FAM13B: variants seen among roughly 807,000 people sequenced by gnomAD.
FAM13B encodes protein FAM13B.
A neutral mutation model predicts 117.3 loss-of-function variants in FAM13B; 60 were observed. The observed-to-expected ratio is 0.51, with a 90% confidence interval of 0.42 to 0.63. The LOEUF (loss-of-function observed/expected upper bound fraction) is 0.63, where lower values mean the gene tolerates loss of function less well. Ranked by LOEUF, FAM13B falls within the 30% of genes least tolerant of loss-of-function variation. The probability of loss-of-function intolerance (pLI) is 0.00; values close to 1 mark genes in which losing one functional copy is unlikely to be tolerated. For synonymous variants in FAM13B, 332 were observed against 356.1 expected (o/e 0.93, Z 0.76); for missense variants, 972 against 1,091.9 (o/e 0.89, Z 1.55).
intron 1 of FAM13B, among the ~76,000 whole-genome samples, chr5:138,030,043 T>C (rs1789478468): frequency 1.3e-5 from 2 of 152,196 alleles, no homozygotes; most frequent in African/African-American, 4.8e-5. Context: ...AATTATCTTG[T>C]CAGCTTACCA....
chr5:137,986,780 A>C (rs1022733454), intron 9 of FAM13B, among the ~76,000 whole-genome samples: 4 of 152,250 alleles, frequency 2.6e-5, no homozygotes, highest in African/African-American at 9.6e-5. Flanking sequence ...AAATTTTCAG[A>C]GAGCATGACA....
intron 15 of FAM13B, 70 bp downstream of exon 15, chr5:137,954,096 G>T: frequency 1.1e-6 from 1 of 886,596 alleles, no homozygotes. Flanking sequence ...CAGGCTGGAA[G>T]ACTAAATCTC....
intron 7 of FAM13B, among the ~76,000 whole-genome samples, chr5:138,005,537 T>C (rs1236539009): frequency 1.3e-5 from 2 of 151,808 alleles, no homozygotes; most frequent in African/African-American, 4.8e-5. Flanking sequence ...AAAAAGAATG[T>C]TAGAATACAG....
intron 10 of FAM13B, among the ~76,000 whole-genome samples, chr5:137,983,099 G>C (rs183959380): frequency 2.0e-5 from 3 of 147,778 alleles, no homozygotes; most frequent in Admixed American, 1.4e-4. Context: ...ATGGGCCCTG[G>C]GCCATTCCAA....
chr5:137,995,837 C>T (rs1779726448), intron 7 of FAM13B, among the ~76,000 whole-genome samples: 1 of 152,166 alleles, frequency 6.6e-6, no homozygotes, highest in African/African-American at 2.4e-5. Context: ...TGTGCTAGTA[C>T]TTAAAACATT....
intron 13 of FAM13B, among the ~76,000 whole-genome samples, chr5:137,959,094 C>G (rs1178737321): frequency 6.6e-6 from 1 of 152,194 alleles, no homozygotes; most frequent in Non-Finnish European, 1.5e-5. Flanking sequence ...TTTAACTTCT[C>G]TCCTTTGTGC....
intron 1 of FAM13B, among the ~76,000 whole-genome samples, chr5:138,026,365 C>A (rs942101158): frequency 6.6e-6 from 1 of 152,240 alleles, no homozygotes; most frequent in East Asian, 1.9e-4. Context: ...ATGGTTCACA[C>A]CCGTAATCCC....
chr5:137,943,356 T>G, intron 20 of FAM13B, 140 bp from the exon 21 acceptor site: 1 of 651,682 alleles, frequency 1.5e-6, no homozygotes, highest in African/African-American at 1.8e-5. Context: ...TAGGAATTGC[T>G]TACATTTATT....
intron 10 of FAM13B, among the ~76,000 whole-genome samples, chr5:137,973,527 A>G (rs1446204419): frequency 3.3e-5 from 5 of 152,226 alleles, no homozygotes; most frequent in Non-Finnish European, 7.3e-5. Context: ...CCTAGGCATT[A>G]CCATTCAGGA....
Position 137,985,322 on chromosome 5 carries a change from T to A in FAM13B, c.1114A>T (p.Ser372Cys). The A allele has an allele frequency of 6.2e-7, 1 of 1,613,924 alleles. No individual in the cohort carries two copies. The highest frequency in any genetic ancestry group is 8.5e-7 in the Non-Finnish European group (1 of 1,179,886). The change falls in exon 10 of 24, where the codon AGC (serine) becomes TGC (cysteine). Residue 372 changes from serine to cysteine, a missense_variant. By Grantham distance (112) the Ser-to-Cys change is moderately radical (BLOSUM62 -1). Coordinates refer to ENST00000689681, the MANE Select transcript of FAM13B (RefSeq NM_001385994.1). ...SNRDCSKPVA[S>C]TNLDNEAMQQ... ...ATAGCTTCATTGTCTAAATTAGTGC[T>A]AGCCACAGGTTTTGAACAGTCTCTG...
chr5:137,991,459 G>C (rs964315720), intron 7 of FAM13B, among the ~76,000 whole-genome samples: 11 of 152,190 alleles, frequency 7.2e-5, no homozygotes, highest in Non-Finnish European at 1.5e-4. Context: ...AGCATCTCTA[G>C]AGCAGGGATG....
intron 7 of FAM13B, among the ~76,000 whole-genome samples, chr5:138,002,969 G>A (rs531185720): frequency 5.3e-5 from 8 of 151,640 alleles, no homozygotes; most frequent in East Asian, 1.9e-4. Context: ...CCACCGCGCC[G>A]GGCCTGTTCC....
At chr5:138,000,064 T>C (rs1176259168) in intron 7 of FAM13B, among the ~76,000 whole-genome samples, 4 of 152,170 alleles carry the variant, frequency 2.6e-5, no homozygotes, top group Non-Finnish European at 1.5e-5. Context: ...GAAAACACAA[T>C]TACTTTTCAT....
At chr5:138,025,305 A>G (rs200677216) in intron 1 of FAM13B, among the ~76,000 whole-genome samples, 22,370 of 60,774 alleles carry the variant, frequency 0.37, 4,197 homozygotes, top group Non-Finnish European at 0.4. Flanking sequence ...ATATATATAT[A>G]TATATGTATT....
At chr5:138,028,429 G>A (rs1789011227) in intron 1 of FAM13B, among the ~76,000 whole-genome samples, 1 of 152,056 alleles carries the variant, frequency 6.6e-6, no homozygotes, top group Non-Finnish European at 1.5e-5. Flanking sequence ...CTACAACTTG[G>A]TCTAGCCAGA....
At position 138,018,460 on chromosome 5, in the gene FAM13B, T is replaced by C; in HGVS notation, c.212A>G (p.Glu71Gly). The change falls in exon 4 of 24, where the codon GAG becomes GGG. Residue 71 changes from glutamate to glycine, a missense_variant. Coordinates refer to ENST00000689681, the MANE Select transcript of FAM13B (RefSeq NM_001385994.1). ...GCTGTCGTATCTCTGCCGAAGCCAC[T>C]CCACTGTCTCAGCATTTCCATTGAC... The part of the protein sequence containing the change: ...FQVNGNAETV[E>G]WLRQRYDSGE... 1 of 1,614,170 alleles carries C rather than the reference T, an allele frequency of 6.2e-7. No individual in the cohort carries two copies. Among genetic ancestry groups the C allele is most frequent in the Non-Finnish European group, 8.5e-7 (1 of 1,180,028 alleles).
chr5:137,944,809 G>A (rs1380886762), intron 20 of FAM13B, among the ~76,000 whole-genome samples: 1 of 151,468 alleles, frequency 6.6e-6, no homozygotes, highest in Non-Finnish European at 1.5e-5. Flanking sequence ...TAACACGGAT[G>A]TAGGTGGAGG....
At position 137,941,813 on chromosome 5, in the gene FAM13B, T is replaced by C. The variant is rs753708726; in HGVS notation, c.2690+131A>G. On this transcript the variant is annotated intron_variant, in intron 23 of 23. Transcript: ENST00000689681. ...AGCAGGGCCTCAGAGCATAAAGGAA[T>C]GTTTTAAAATTTTTCAGTGCTAGCA... 1.3e-4 allele frequency: 87 copies of C among 695,910 alleles called. 1 individual carries two copies. The highest frequency in any genetic ancestry group is 1.6e-4 in the Non-Finnish European group (64 of 409,514). 43.1% of individuals were successfully genotyped at this position (695,910 alleles called of 1,614,324 possible).
At chr5:137,990,410 C>A (rs1778330836) in intron 7 of FAM13B, among the ~76,000 whole-genome samples, 1 of 152,170 alleles carries the variant, frequency 6.6e-6, no homozygotes, top group Admixed American at 6.6e-5. Flanking sequence ...TAATTCTCAA[C>A]TACTTACTTC....
Sources: gnomAD v4.1 joint callset for allele counts (sites outside exome capture counted in the v4.1 genomes callset) on GRCh38, gnomAD v4.1.1 for gene constraint, MANE v1.5 for transcripts, NCBI Gene and HGNC (gene_info 2026-07-23, HGNC 2026-07-21) for gene names.